Variants in STXBP5 observed in about 807,000 individuals in gnomAD.
STXBP5 encodes syntaxin binding protein 5.
In STXBP5, 50 loss-of-function variants were observed where a neutral mutation model predicts 152.4. That is an observed-to-expected ratio of 0.33 (90% CI 0.26 to 0.42). The LOEUF (loss-of-function observed/expected upper bound fraction) is 0.42, where lower values mean the gene tolerates loss of function less well. Among genes scored for constraint, STXBP5 ranks in the 10% least tolerant of loss-of-function variants. The pLI is 1.00. For missense variants in STXBP5, 1,167 were observed against 1,388.6 expected (o/e 0.84, Z 2.54); for synonymous variants, 492 against 494.7 (o/e 0.99, Z 0.07).
At chr6:147,341,105 A>G (rs928697729) in intron 21 of STXBP5, among the ~76,000 whole-genome samples, 1 of 152,118 alleles carries the variant, frequency 6.6e-6, no homozygotes, top group Admixed American at 6.5e-5. Flanking sequence ...AGATTTGGGT[A>G]TACAGAAGGA....
chr6:147,343,570 C>T (rs544116507), intron 21 of STXBP5, among the ~76,000 whole-genome samples: 21 of 151,922 alleles, frequency 1.4e-4, no homozygotes, highest in African/African-American at 4.6e-4. Flanking sequence ...ATCCAGGCTT[C>T]TTGAGTCTTG....
chr6:147,287,362 C>G (rs1170975365), intron 8 of STXBP5, among the ~76,000 whole-genome samples: 4 of 150,918 alleles, frequency 2.7e-5, no homozygotes, highest in South Asian at 2.1e-4. Flanking sequence ...GCCACTACGC[C>G]CGGCTAATTT....
At chr6:147,235,483 T>C in intron 3 of STXBP5, 152 bp downstream of exon 3, 1 of 643,534 alleles carries the variant, frequency 1.6e-6, no homozygotes, top group Non-Finnish European at 2.7e-6. Flanking sequence ...CGTTTTAAGG[T>C]ACCGTCATGG....
At chr6:147,334,528 C>T (rs1783733968) in intron 19 of STXBP5, among the ~76,000 whole-genome samples, 1 of 152,034 alleles carries the variant, frequency 6.6e-6, no homozygotes, top group Non-Finnish European at 1.5e-5. Flanking sequence ...GATCAAATGT[C>T]TTAGTTATCT....
At chr6:147,311,824 C>T (rs1005958895) in intron 11 of STXBP5, among the ~76,000 whole-genome samples, 9 of 152,006 alleles carry the variant, frequency 5.9e-5, no homozygotes, top group Non-Finnish European at 1.2e-4. Context: ...AAAATTAATC[C>T]CATCAGTATT....
chr6:147,273,157 G>A (rs1170469302), intron 7 of STXBP5, among the ~76,000 whole-genome samples: 3 of 141,014 alleles, frequency 2.1e-5, no homozygotes, highest in African/African-American at 8.1e-5. Flanking sequence ...GATTGAGATC[G>A]GCATGGGCAA....
intron 25 of STXBP5, among the ~76,000 whole-genome samples, chr6:147,369,015 A>G (rs1044058947): frequency 6.6e-6 from 1 of 152,008 alleles, no homozygotes; most frequent in Non-Finnish European, 1.5e-5. Flanking sequence ...CGTAAATACA[A>G]GAGAACTAAA....
At chr6:147,270,255 T>G (rs1443477948) in intron 7 of STXBP5, among the ~76,000 whole-genome samples, 1 of 151,638 alleles carries the variant, frequency 6.6e-6, no homozygotes, top group African/African-American at 2.4e-5. Context: ...AAAAATTAGC[T>G]GGGCGTGGTG....
chr6:147,213,477 T>TGTGTGTGTGCGCGCGCGCGCGCGC, intron 2 of STXBP5, among the ~76,000 whole-genome samples: 57 of 131,308 alleles, frequency 4.3e-4, no homozygotes, highest in Non-Finnish European at 7.1e-4. Flanking sequence ...TGTGTGTGTG[T>TGTGTGTGTGCGCGCGCGCGCGCGC]GCGCGCGCAT....
At position 147,313,957 on chromosome 6, in the gene STXBP5, G is replaced by A. The variant is rs1193758467; in HGVS notation, c.1219G>A (p.Asp407Asn). 1.9e-6 allele frequency: 3 copies of A among 1,604,140 alleles called. No individual in the cohort carries two copies. Among genetic ancestry groups the A allele is most frequent in the Non-Finnish European group, 1.7e-6 (2 of 1,173,452 alleles). ...SPVTCCEYFA[D>N]CPVDLIPALY... ...TGTTACATGTTGCGAATATTTTGCGGATTGTCCTGTGGACCTTATTCCTGC... is the reference window on the plus strand; with the variant it reads ...TGTTACATGTTGCGAATATTTTGCGAATTGTCCTGTGGACCTTATTCCTGC... The change falls in exon 12 of 28, where the codon GAT becomes AAT. Residue 407 changes from aspartate to asparagine, a missense_variant. Transcript: ENST00000321680.
chr6:147,209,286 G>A (rs1227176914), intron 2 of STXBP5, among the ~76,000 whole-genome samples: 1 of 152,074 alleles, frequency 6.6e-6, no homozygotes, highest in Non-Finnish European at 1.5e-5. Flanking sequence ...CTTGACTGGT[G>A]GAAAATACAG....
At position 147,231,734 on chromosome 6, in the gene STXBP5, C is replaced by T. The variant is rs189643612; in HGVS notation, c.249-3516C>T. ...GGTTTTTCTTCATTTTAGTTTCAGA[C>T]GTTTAATTTTTTTCATTTAATTGTG... On this transcript the variant is annotated intron_variant, in intron 2 of 27. Coordinates refer to ENST00000321680, the MANE Select transcript of STXBP5 (RefSeq NM_001127715.4). Among the ~76,000 whole-genome samples the T allele has an allele frequency of 7.8e-3, 1,186 of 151,736 alleles. 15 individuals carry two copies. The highest frequency in any genetic ancestry group is 0.027 in the African/African-American group (1,135 of 41,496).
intron 8 of STXBP5, among the ~76,000 whole-genome samples, chr6:147,284,468 A>T (rs1198865635): frequency 6.6e-6 from 1 of 152,226 alleles, no homozygotes; most frequent in African/African-American, 2.4e-5. Flanking sequence ...TCAAGTGAAT[A>T]AAAATGATCT....
At chr6:147,209,848 G>A (rs1291627082) in intron 2 of STXBP5, among the ~76,000 whole-genome samples, 2 of 152,146 alleles carry the variant, frequency 1.3e-5, no homozygotes, top group Admixed American at 6.5e-5. Context: ...ATGGGCAAAA[G>A]CATGGAAAAG....
chr6:147,219,446 A>G (rs976067651), intron 2 of STXBP5, among the ~76,000 whole-genome samples: 1 of 152,134 alleles, frequency 6.6e-6, no homozygotes, highest in African/African-American at 2.4e-5. Context: ...GAGTTAGGAT[A>G]TATTTCCTCT....
At position 147,325,082 on chromosome 6, in the gene STXBP5, A is replaced by G; in HGVS notation, c.1926A>G (p.Gly642=). ...ITSLAVNSSY[G]LVVFGNCNGI... The stretch of plus-strand genomic sequence containing the variant: ...GCCTGGCAGTCAATTCTTCCTATGG[A>G]CTGTAAGTATAAGTTACGTTTTTTT... The change falls in exon 17 of 28, where the codon GGA becomes GGG. Residue 642 remains glycine, a splice_region_variant and synonymous_variant. Coordinates refer to ENST00000321680, the MANE Select transcript of STXBP5 (RefSeq NM_001127715.4). The G allele has an allele frequency of 2.6e-6, 4 of 1,526,470 alleles. No homozygotes were observed. Among genetic ancestry groups the G allele is most frequent in the Non-Finnish European group, 3.5e-6 (4 of 1,132,892 alleles). The allele number at this position is 1,526,470 out of a possible 1,614,324, so 94.6% of individuals were successfully genotyped here.
chr6:147,236,873 G>T (rs555426720), intron 3 of STXBP5, among the ~76,000 whole-genome samples: 14 of 151,748 alleles, frequency 9.2e-5, no homozygotes, highest in African/African-American at 2.7e-4. Flanking sequence ...CCGCCTCCCG[G>T]GTTCAAATGA....
chr6:147,291,757 CATAAA>C (rs2128352842), intron 9 of STXBP5, among the ~76,000 whole-genome samples: 1 of 152,026 alleles, frequency 6.6e-6, no homozygotes, highest in African/African-American at 2.4e-5. Flanking sequence ...AAGAAAAAAA[CATAAA>C]ATATCTGTGA....
chr6:147,367,596 C>A (rs1437870658), intron 25 of STXBP5, among the ~76,000 whole-genome samples: 1 of 152,068 alleles, frequency 6.6e-6, no homozygotes, highest in African/African-American at 2.4e-5. Context: ...TGAGATCACG[C>A]CACTACACTC....
Sources: gnomAD v4.1 joint callset for allele counts (sites outside exome capture counted in the v4.1 genomes callset) on GRCh38, gnomAD v4.1.1 for gene constraint, MANE v1.5 for transcripts, NCBI Gene and HGNC (gene_info 2026-07-23, HGNC 2026-07-21) for gene names.